The following UBR1 variants were observed in gnomAD, a reference collection of about 807,000 sequenced individuals.
The protein encoded by UBR1 is ubiquitin protein ligase E3 component n-recognin 1.
UBR1 carries 102 observed loss-of-function variants against 242.1 expected under a neutral mutation model. The ratio of observed to expected loss-of-function variants is 0.42; its 90% CI spans 0.36 to 0.50. The LOEUF is 0.50. Among genes scored for constraint, UBR1 ranks in the 20% least tolerant of loss-of-function variants. UBR1 has a pLI of 0.01. For synonymous variants in UBR1, 675 were observed against 684.8 expected, an observed-to-expected ratio of 0.99 and a Z score of 0.22; for missense variants, 1,772 against 2,101.8, an observed-to-expected ratio of 0.84 and a Z score of 3.07.
At chr15:42,964,070 T>C (rs368478172) in intron 41 of UBR1, 27 bp from the exon 42 acceptor site, 1 of 1,466,726 alleles carries the variant, frequency 6.8e-7, no homozygotes, top group African/African-American at 1.4e-5. Flanking sequence ...ATACATTTAA[T>C]AAGCACATTA....
chr15:42,999,740 ATCATCTGAGCCCAAGAAGGTTGAGGC>A (rs1420816844), intron 32 of UBR1, among the ~76,000 whole-genome samples: 1 of 152,072 alleles, frequency 6.6e-6, no homozygotes, highest in African/African-American at 2.4e-5. Flanking sequence ...AGGTGGAAGG[ATCATCTGAGCCCAAGAAGGTTGAGGC>A]TGAAATGAGC....
At chr15:43,049,765 T>C (rs2141328694) in intron 12 of UBR1, among the ~76,000 whole-genome samples, 1 of 152,258 alleles carries the variant, frequency 6.6e-6, no homozygotes, top group South Asian at 2.1e-4. Flanking sequence ...TCTTTTAAAG[T>C]AAAAGATAAA....
intron 30 of UBR1, among the ~76,000 whole-genome samples, chr15:43,005,231 G>A (rs938553892): frequency 2.7e-4 from 41 of 151,080 alleles, no homozygotes; most frequent in African/African-American, 8.3e-4. Flanking sequence ...GCAGCCGCCC[G>A]GTCCAGGAGG....
chr15:42,999,496 ATGGACGTAAGGACAGGGACT>A (rs1394277173), intron 32 of UBR1, among the ~76,000 whole-genome samples: 1 of 152,170 alleles, frequency 6.6e-6, no homozygotes, highest in East Asian at 1.9e-4. Context: ...CCTTCCTAAA[ATGGACGTAAGGACAGGGACT>A]TGAGACAGAC....
intron 1 of UBR1, among the ~76,000 whole-genome samples, 197 bp from the exon 2 acceptor site, chr15:43,086,437 GA>G (rs370942763): frequency 0.018 from 1,559 of 86,082 alleles, 12 homozygotes; most frequent in African/African-American, 0.046. Context: ...ACCAGTATCT[GA>G]AAAAAAAAAA....
intron 1 of UBR1, among the ~76,000 whole-genome samples, chr15:43,091,034 G>A (rs964306311): frequency 5.3e-5 from 8 of 152,142 alleles, no homozygotes; most frequent in African/African-American, 1.7e-4. Flanking sequence ...TGCCTCCCGG[G>A]TTCAAGCAAT....
chr15:42,990,082 C>T lies in UBR1; in HGVS notation c.3796G>A (p.Gly1266Arg). ...PIPIFFNQGM[G>R]DSTLEFHSIL... ...GAATGGAACTCCAAAGTAGAATCTC[C>T]CATTCCTTGATTAAAGAAAATAGGA... Residue 1266 changes from glycine to arginine, a missense_variant, in exon 34 of 47, where the codon GGA (glycine) becomes AGA (arginine). Gly to Arg is a moderately radical substitution (Grantham distance 125, BLOSUM62 -2). Coordinates refer to ENST00000290650, the MANE Select transcript of UBR1 (RefSeq NM_174916.3). The T allele has an allele frequency of 6.2e-7, 1 of 1,607,020 alleles. No homozygotes were observed. The highest frequency in any genetic ancestry group is 8.5e-7 in the Non-Finnish European group (1 of 1,176,000).
chr15:43,036,275 C>T lies in UBR1; in HGVS notation c.2093G>A (p.Gly698Asp). The T allele has an allele frequency of 6.2e-7, 1 of 1,612,288 alleles. No individual in the cohort carries two copies. Among genetic ancestry groups the T allele is most frequent in the Non-Finnish European group, 8.5e-7 (1 of 1,178,554 alleles). The change falls in exon 19 of 47, where the codon GGT becomes GAT. Residue 698 changes from glycine to aspartate, a missense_variant. Transcript: ENST00000290650. The part of the protein sequence containing the change: ...YDKDIIMLQI[G>D]ASLMDPNKFL... ...CTTATTGGGATCCATTAAAGATGCA[C>T]CAATCTGTGAAAGAAATCCAGCATC...
chr15:42,988,112 T>TA (rs1020840145), intron 35 of UBR1, among the ~76,000 whole-genome samples: 1 of 152,202 alleles, frequency 6.6e-6, no homozygotes, highest in Non-Finnish European at 1.5e-5. Flanking sequence ...CCCTTTCCGT[T>TA]AATTTTTAGG....
chr15:43,043,243 T>C lies in UBR1; in HGVS notation c.1821A>G (p.Ile607Met), dbSNP rs894276290. 1.2e-6 allele frequency: 2 copies of C among 1,614,094 alleles called. No homozygotes were observed. Among genetic ancestry groups the C allele is most frequent in the South Asian group, 1.1e-5 (1 of 91,074 alleles). ...SYRVSEDLVS[I>M]HLPLSRTLAG... ...CAAGGGTCCTAGAGAGTGGCAGATG[T>C]ATGCTTACAAGATCCTCAGATACTC... The change falls in exon 15 of 47, where the codon ATA becomes ATG. Residue 607 changes from isoleucine (I) to methionine (M), a missense_variant. Physicochemically the swap from Ile to Met is conservative, Grantham distance 10. Coordinates refer to ENST00000290650, the MANE Select transcript of UBR1 (RefSeq NM_174916.3).
rs1057518231 is a variant in UBR1 at position 43,054,886 on chromosome 15, A to G, written c.1295T>C (p.Ile432Thr). The G allele has an allele frequency of 1.2e-5, 19 of 1,614,134 alleles. No individual in the cohort carries two copies. The Middle Eastern group carries it at 1.7e-3, about 140-fold the overall frequency. ...GACAGAGATAACATTCTGCTCTTCAATAAGATGTCGAGCCTGCGGAATATT... is the reference window on the plus strand; with the variant it reads ...GACAGAGATAACATTCTGCTCTTCAGTAAGATGTCGAGCCTGCGGAATATT... ...FTVPTLARHL[I>T]EEQNVISVIT... The change falls in exon 12 of 47, where the codon ATT becomes ACT. Residue 432 changes from isoleucine (I) to threonine (T), a missense_variant. Ile to Thr is a moderately conservative substitution (Grantham distance 89). Transcript: ENST00000290650.
chr15:43,083,264 C>A (rs1273928971), intron 2 of UBR1, among the ~76,000 whole-genome samples: 1 of 152,244 alleles, frequency 6.6e-6, no homozygotes. Flanking sequence ...GAAAGAAATT[C>A]AATCCCTCTT....
At position 43,047,285 on chromosome 15, in the gene UBR1, A is replaced by G; in HGVS notation, c.1544T>C (p.Met515Thr). 1 of 1,614,078 alleles carries G rather than the reference A, an allele frequency of 6.2e-7. No homozygotes were observed. Among genetic ancestry groups the G allele is most frequent in the Non-Finnish European group, 8.5e-7 (1 of 1,179,984 alleles). The change falls in exon 14 of 47, where the codon ATG (methionine) becomes ACG (threonine). Residue 515 changes from methionine to threonine, a missense_variant. Coordinates refer to ENST00000290650, the MANE Select transcript of UBR1 (RefSeq NM_174916.3). ...CCCAACCTGTCTTCGGATTTCTTCC[A>G]TTCCCTGCAATTACAAGTTGGTCAA... ...FLKILTCMQG[M>T]EEIRRQVGQH...
At chr15:43,032,109 T>C (rs2033265530) in intron 20 of UBR1, among the ~76,000 whole-genome samples, 2 of 152,140 alleles carry the variant, frequency 1.3e-5, no homozygotes, top group Non-Finnish European at 2.9e-5. Context: ...ACACAGACTA[T>C]GACATAGCAT....
chr15:43,070,799 T>A lies in UBR1; in HGVS notation c.655A>T (p.Ile219Leu). 1 of 1,613,326 alleles carries A rather than the reference T, an allele frequency of 6.2e-7. No homozygotes were observed. Among genetic ancestry groups the A allele is most frequent in the Non-Finnish European group, 8.5e-7 (1 of 1,179,974 alleles). The stretch of plus-strand genomic sequence containing the variant: ...CCGTTTGACAGTTTTCCCCACCTTA[T>A]CTGGAGTTCAGGAGGCAGTTCTTTT... Reference protein sequence around the residue: ...EEKELPPELQIREKNERYYCV... With the variant: ...EEKELPPELQLREKNERYYCV... The change falls in exon 5 of 47, where the codon ATA becomes TTA. Residue 219 changes from isoleucine (I) to leucine (L), a missense_variant. Transcript: ENST00000290650.
chr15:43,058,208 C>A, intron 10 of UBR1, 133 bp downstream of exon 10: 1 of 726,878 alleles, frequency 1.4e-6, no homozygotes, highest in Non-Finnish European at 2.3e-6. Flanking sequence ...ACCCGCAGGG[C>A]CAAGAACAAA....
chr15:42,963,049 C>T (rs2032048549), intron 42 of UBR1, among the ~76,000 whole-genome samples: 1 of 152,186 alleles, frequency 6.6e-6, no homozygotes, highest in South Asian at 2.1e-4. Context: ...GACTTTTCTA[C>T]TCCAAGAATA....
At chr15:43,104,820 T>C (rs930217938) in intron 1 of UBR1, among the ~76,000 whole-genome samples, 1 of 151,644 alleles carries the variant, frequency 6.6e-6, no homozygotes, top group African/African-American at 2.4e-5. Flanking sequence ...GCCAACATGG[T>C]GAAACCCCGT....
In UBR1 at chr15:42,945,108, G is replaced by A. The variant is rs1031035661; in HGVS notation, c.*221C>T. 1.8e-5 allele frequency: 10 copies of A among 568,748 alleles called. No homozygotes were observed. Among genetic ancestry groups the A allele is most frequent in the African/African-American group, 1.7e-4 (9 of 53,070 alleles). The allele number at this position is 568,748 out of a possible 1,614,324, so 35.2% of individuals were successfully genotyped here. On this transcript the variant is annotated 3_prime_UTR_variant, in exon 47 of 47. Coordinates refer to ENST00000290650, the MANE Select transcript of UBR1 (RefSeq NM_174916.3). ...GGGGAATAAATTCCTGGAAATACTA[G>A]CACATAAAACAGATTGATCTATGTC...
Sources: gnomAD v4.1 joint callset for allele counts (sites outside exome capture counted in the v4.1 genomes callset) on GRCh38, gnomAD v4.1.1 for gene constraint, MANE v1.5 for transcripts, NCBI Gene and HGNC (gene_info 2026-07-23, HGNC 2026-07-21) for gene names.